Variants in PIGX observed in about 807,000 individuals in gnomAD.
The protein encoded by PIGX is GPI alpha-1,4-mannosyltransferase I, stabilizing subunit.
PIGX carries 24 observed loss-of-function variants against 28.7 expected under a neutral mutation model. The observed-to-expected ratio is 0.84, with a 90% CI of 0.60 to 1.17. PIGX has a LOEUF of 1.17. PIGX is among the 50% of genes most tolerant of loss of function. The pLI is 0.00. For synonymous variants in PIGX, 127 were observed against 121.0 expected (o/e 1.05, Z -0.33); for missense variants, 305 against 317.8 (o/e 0.96, Z 0.31).
intron 2 of PIGX, among the ~76,000 whole-genome samples, chr3:196,719,514 T>C (rs1273849651): frequency 6.6e-6 from 1 of 152,180 alleles, no homozygotes; most frequent in Non-Finnish European, 1.5e-5. Context: ...TAGCTATACC[T>C]CTCTGTTTTT....
Position 196,731,055 on chromosome 3 carries a change from A to G in PIGX, c.596A>G (p.Glu199Gly). Reference sequence around the variant, plus strand: ...GCAGCCCCTTGTGCTTTGGAGAATGAGGATATCTGCCAATGGAACAAGATG... The same window carrying G: ...GCAGCCCCTTGTGCTTTGGAGAATGGGGATATCTGCCAATGGAACAAGATG... Residue 199 changes from glutamate to glycine, a missense_variant, in exon 5 of 6, where the codon GAG (glutamate) becomes GGG (glycine). Transcript: ENST00000392391. 6.2e-7 allele frequency: 1 copy of G among 1,608,622 alleles called. No individual in the cohort carries two copies. Among genetic ancestry groups the G allele is most frequent in the Non-Finnish European group, 8.5e-7 (1 of 1,175,102 alleles).
chr3:196,722,621 G>C (rs1447942330), intron 3 of PIGX, 65 bp downstream of exon 3: 1 of 1,346,448 alleles, frequency 7.4e-7, no homozygotes, highest in Non-Finnish European at 1.0e-6. Context: ...TTGGATTAAG[G>C]AAAAATAGTA....
At position 196,728,064 on chromosome 3, in the gene PIGX, C is replaced by A. The variant is rs764871226; in HGVS notation, c.460C>A (p.Arg154=). 1.9e-6 allele frequency: 3 copies of A among 1,613,990 alleles called. No individual in the cohort carries two copies. In the African/African-American group the frequency reaches 4.0e-5, roughly 22 times the overall value. Reference sequence around the variant, plus strand: ...TTTGCCTGTGCACTGCCGCTATCATCGGCCGCACAGTGAAGATGGAGAAGC... The same window carrying A: ...TTTGCCTGTGCACTGCCGCTATCATAGGCCGCACAGTGAAGATGGAGAAGC... Residue 154 remains arginine (R), a synonymous_variant, in exon 4 of 6, where the codon CGG becomes AGG. Transcript: ENST00000392391.
At chr3:196,724,188 T>C (rs1171446371) in intron 3 of PIGX, among the ~76,000 whole-genome samples, 2 of 152,044 alleles carry the variant, frequency 1.3e-5, no homozygotes, top group African/African-American at 4.8e-5. Context: ...CTAATTTTTG[T>C]ATTTTTAGTA....
In PIGX at chr3:196,712,621, TCAC is replaced by T; in HGVS notation, c.91_93del (p.Thr31del). The T allele has an allele frequency of 1.7e-6, 2 of 1,188,944 alleles. No homozygotes were observed. Among genetic ancestry groups the T allele is most frequent in the Non-Finnish European group, 2.1e-6 (2 of 960,330 alleles). 73.6% of individuals were successfully genotyped at this position (1,188,944 alleles called of 1,614,324 possible). On this transcript the variant is annotated inframe_deletion, in exon 1 of 6. Coordinates refer to ENST00000392391, the MANE Select transcript of PIGX (RefSeq NM_017861.4). ...CTCACGCGCGGGCCCGCCGCGGCCTTCACCGCCGCGCGCTCTGACGCCGGTAAG... is the reference window on the plus strand; with the variant it reads ...CTCACGCGCGGGCCCGCCGCGGCCTTCGCCGCGCGCTCTGACGCCGGTAAG...
intron 3 of PIGX, 107 bp downstream of exon 3, chr3:196,722,663 A>G: frequency 2.0e-6 from 2 of 1,011,690 alleles, no homozygotes; most frequent in Non-Finnish European, 3.0e-6. Flanking sequence ...AAGTGTATAA[A>G]GTGACATTTT....
At chr3:196,721,623 C>T (rs1206086586) in intron 2 of PIGX, among the ~76,000 whole-genome samples, 1 of 151,846 alleles carries the variant, frequency 6.6e-6, no homozygotes, top group Non-Finnish European at 1.5e-5. Context: ...TTTTTAGAGA[C>T]AGGGGTCTCT....
chr3:196,716,831 T>A (rs779651900), intron 1 of PIGX, 27 bp from the exon 2 acceptor site: 34 of 1,343,818 alleles, frequency 2.5e-5, no homozygotes, highest in South Asian at 1.5e-4. Context: ...CTTTTGTTTT[T>A]AAAAAAAAAT....
chr3:196,728,033 A>G lies in PIGX; in HGVS notation c.429A>G (p.Gln143=). The G allele has an allele frequency of 6.2e-7, 1 of 1,614,174 alleles. No individual in the cohort carries two copies. Among genetic ancestry groups the G allele is most frequent in the African/African-American group, 1.3e-5 (1 of 75,052 alleles). Reference sequence around the variant, plus strand: ...ATTCACAGTGCATTGACTGTTTTCAAGCCTTTTTGCCTGTGCACTGCCGCT... The same window carrying G: ...ATTCACAGTGCATTGACTGTTTTCAGGCCTTTTTGCCTGTGCACTGCCGCT... Residue 143 remains glutamine, a synonymous_variant, in exon 4 of 6, where the codon CAA becomes CAG. Coordinates refer to ENST00000392391, the MANE Select transcript of PIGX (RefSeq NM_017861.4).
chr3:196,716,791 A>G, intron 1 of PIGX, 67 bp from the exon 2 acceptor site: 3 of 760,538 alleles, frequency 3.9e-6, no homozygotes, highest in South Asian at 5.3e-5. Context: ...TAACTCTTTT[A>G]TAATTATTTA....
intron 5 of PIGX, among the ~76,000 whole-genome samples, chr3:196,732,216 T>A (rs1313402445): frequency 3.5e-4 from 18 of 51,336 alleles, no homozygotes; most frequent in Non-Finnish European, 4.6e-4. Context: ...TATATATTAT[T>A]TATATATATA....
chr3:196,725,683 A>G (rs1436506661), intron 3 of PIGX, among the ~76,000 whole-genome samples: 1 of 152,176 alleles, frequency 6.6e-6, no homozygotes, highest in Non-Finnish European at 1.5e-5. Context: ...ATGCCAGGGA[A>G]AGAGCCATCT....
At chr3:196,713,092 G>C in intron 1 of PIGX, 1 of 985,576 alleles carries the variant, frequency 1.0e-6, no homozygotes, top group Non-Finnish European at 1.2e-6. Flanking sequence ...GTACTACTGA[G>C]ACGGGCAAGT....
intron 2 of PIGX, among the ~76,000 whole-genome samples, chr3:196,720,021 G>A (rs1037658567): frequency 2.1e-4 from 32 of 152,188 alleles, no homozygotes; most frequent in Middle Eastern, 3.2e-3. Flanking sequence ...CTCGTGATCC[G>A]CCTGCTTCGG....
At chr3:196,717,199 G>A (rs1246552815) in intron 2 of PIGX, among the ~76,000 whole-genome samples, 3 of 151,240 alleles carry the variant, frequency 2.0e-5, no homozygotes, top group East Asian at 2.0e-4. Flanking sequence ...TACTTCAGAG[G>A]CTGAGGCAGG....
rs147404901 is a variant in PIGX, at chr3:196,727,416, G to A, written c.319-507G>A. On this transcript the variant is annotated intron_variant, in intron 3 of 5. Coordinates refer to ENST00000392391, the MANE Select transcript of PIGX (RefSeq NM_017861.4). Reference sequence around the variant, plus strand: ...ATTTTTTCCATTAACTGTTTATACCGTCTCTAGAAAGAGTGCTGACCTTTG... The same window carrying A: ...ATTTTTTCCATTAACTGTTTATACCATCTCTAGAAAGAGTGCTGACCTTTG... Among the ~76,000 whole-genome samples, 386 of 151,778 alleles carry A rather than the reference G, an allele frequency of 2.5e-3. 3 individuals are homozygous for A. Among genetic ancestry groups the A allele is most frequent in the African/African-American group, 8.4e-3 (347 of 41,342 alleles).
intron 4 of PIGX, among the ~76,000 whole-genome samples, chr3:196,729,481 A>G (rs1469996472): frequency 1.3e-5 from 2 of 149,758 alleles, no homozygotes; most frequent in Non-Finnish European, 3.0e-5. Flanking sequence ...ATCTCGGCTT[A>G]CCGCAATCTC....
Position 196,731,089 on chromosome 3 carries a change from A to G in PIGX, c.630A>G (p.Lys210=). 6.5e-7 allele frequency: 1 copy of G among 1,535,670 alleles called. No individual in the cohort carries two copies. Among genetic ancestry groups the G allele is most frequent in the Non-Finnish European group, 9.0e-7 (1 of 1,109,300 alleles). The change falls in exon 5 of 6, where the codon AAA becomes AAG. Residue 210 remains lysine (K), a synonymous_variant. Coordinates refer to ENST00000392391, the MANE Select transcript of PIGX (RefSeq NM_017861.4). ...GCCAATGGAACAAGATGAAGTATAA[A>G]TCAGTAAGCTAATGTTTTATGTTGT...
At chr3:196,725,253 G>C (rs1577675950) in intron 3 of PIGX, among the ~76,000 whole-genome samples, 2 of 152,106 alleles carry the variant, frequency 1.3e-5, no homozygotes, top group South Asian at 2.1e-4. Flanking sequence ...TAGTATTAAG[G>C]CTTCTGCTTC....
Sources: gnomAD v4.1 joint callset for allele counts (sites outside exome capture counted in the v4.1 genomes callset) on GRCh38, gnomAD v4.1.1 for gene constraint, MANE v1.5 for transcripts, NCBI Gene and HGNC (gene_info 2026-07-23, HGNC 2026-07-21) for gene names.